The following C4orf51 variants were observed in gnomAD, a reference collection of about 807,000 sequenced individuals.
The protein encoded by C4orf51 is chromosome 4 open reading frame 51.
In C4orf51, 25 loss-of-function variants were observed where a neutral mutation model predicts 25.2. The observed-to-expected ratio is 0.99, with a 90% CI of 0.72 to 1.39. C4orf51 has a LOEUF of 1.39. Among genes scored for constraint, C4orf51 ranks in the 40% most tolerant of loss-of-function variants. The pLI is 0.00. For synonymous variants in C4orf51, 100 were observed against 84.5 expected (o/e 1.18, Z -1.01); for missense variants, 252 against 239.6 (o/e 1.05, Z -0.34).
chr4:145,708,723 G>A (rs1207569406), intron 2 of C4orf51, among the ~76,000 whole-genome samples: 2 of 152,204 alleles, frequency 1.3e-5, no homozygotes, highest in East Asian at 3.9e-4. Flanking sequence ...TAATCTGTTA[G>A]TCTGGGACCA....
At position 145,765,448 on chromosome 4, in the gene C4orf51, T is replaced by TA; in HGVS notation, n.167-5539dup. The TA allele has an allele frequency of 7.2e-7, 1 of 1,389,166 alleles. No homozygotes were observed. 86.1% of individuals were successfully genotyped at this position (1,389,166 alleles called of 1,614,324 possible). A position where few individuals can be genotyped will look rare whatever the true frequency, so the allele number is the denominator to read the frequency against. ...CCAGCATACTGCATCCTGGGCCTATTATCAGTTTTTGACATCGCTCCTGTG... is the reference window on the plus strand; with the variant it reads ...CCAGCATACTGCATCCTGGGCCTATTAATCAGTTTTTGACATCGCTCCTGTG... On this transcript the variant is annotated intron_variant and non_coding_transcript_variant, in intron 1 of 1. Transcript: ENST00000510096. This position sits in a 1 kb window ranked among gnomAD's most constrained non-coding sequence, Gnocchi z 4.7.
chr4:145,713,927 C>T (rs1041002258), intron 2 of C4orf51, among the ~76,000 whole-genome samples: 1 of 152,078 alleles, frequency 6.6e-6, no homozygotes, highest in Non-Finnish European at 1.5e-5. Context: ...GGATTATAGG[C>T]ACCTGCCACC....
In C4orf51 at chr4:145,765,004, G is replaced by A; in HGVS notation, n.167-5984G>A. 1.2e-6 allele frequency: 2 copies of A among 1,613,602 alleles called. No individual in the cohort carries two copies. The highest frequency in any genetic ancestry group is 1.7e-6 in the Non-Finnish European group (2 of 1,179,756). ...TTTCCTTACTTGAGCCCACCGGTGG[G>A]GACAGTGTGGCATTTCTTATGCTCC... On this transcript the variant is annotated intron_variant and non_coding_transcript_variant, in intron 1 of 1. Transcript: ENST00000510096. The surrounding 1 kb of genome is among the most constrained non-coding windows in gnomAD (Gnocchi z 4.7).
chr4:145,736,130 C>T (rs1394869838), downstream of C4orf51, among the ~76,000 whole-genome samples: 1 of 152,006 alleles, frequency 6.6e-6, no homozygotes, highest in East Asian at 1.9e-4. Flanking sequence ...TGACAAGGCA[C>T]AGGGGCTTGA....
At chr4:145,683,406 T>G (rs956328897) in intron 1 of C4orf51, among the ~76,000 whole-genome samples, 6 of 152,278 alleles carry the variant, frequency 3.9e-5, no homozygotes, top group South Asian at 4.1e-4. Flanking sequence ...AAACTAATTC[T>G]AAAGTTTATA....
chr4:145,773,444 CA>C (rs981945873), downstream of C4orf51, among the ~76,000 whole-genome samples: 10 of 152,212 alleles, frequency 6.6e-5, no homozygotes, highest in Admixed American at 3.3e-4. Context: ...GCACAACTGT[CA>C]GGGAAATTCC....
chr4:145,752,371 T>A (rs1281675822), intron 1 of C4orf51, among the ~76,000 whole-genome samples: 1 of 152,182 alleles, frequency 6.6e-6, no homozygotes, highest in Non-Finnish European at 1.5e-5. Context: ...AGGTGATGAA[T>A]GTTGCCAGGA....
At chr4:145,695,127 G>A (rs565166052) in intron 1 of C4orf51, among the ~76,000 whole-genome samples, 56 of 152,282 alleles carry the variant, frequency 3.7e-4, no homozygotes, top group African/African-American at 1.3e-3. Flanking sequence ...TGGGCAGAAC[G>A]GTAGTTCTAT....
the C4orf51 span, among the ~76,000 whole-genome samples, chr4:145,776,480 A>C: frequency 6.6e-6 from 1 of 152,056 alleles, no homozygotes; most frequent in African/African-American, 2.4e-5. Flanking sequence ...AAAAAAAAAA[A>C]AAAGTCCCAG....
intron 2 of C4orf51, among the ~76,000 whole-genome samples, chr4:145,717,354 C>T (rs578031803): frequency 3.3e-5 from 5 of 152,106 alleles, no homozygotes; most frequent in Non-Finnish European, 5.9e-5. Context: ...ATCAATTTAC[C>T]CATATTGCCT....
Position 145,687,858 on chromosome 4 carries a change from T to C in C4orf51, c.233+7422T>C, listed in dbSNP as rs536363303. 1.1e-4 allele frequency among the ~76,000 whole-genome samples: 16 copies of C among 152,236 alleles called. No homozygotes were observed. In the South Asian group the frequency reaches 3.3e-3, roughly 32 times the overall value. The stretch of plus-strand genomic sequence containing the variant: ...GGTGGGAGGGAGAGCAGAAACATTT[T>C]TAAGTAAAGAAAAAGCACACATGAT... On this transcript the variant is annotated intron_variant, in intron 1 of 5. Transcript: ENST00000438731.
At chr4:145,727,918 T>G (rs1351805358) in intron 3 of C4orf51, among the ~76,000 whole-genome samples, 2 of 102,236 alleles carry the variant, frequency 2.0e-5, no homozygotes, top group African/African-American at 9.8e-5. Context: ...TATATATATA[T>G]ATATAAAATA....
chr4:145,694,410 G>A (rs1729896444), intron 1 of C4orf51, among the ~76,000 whole-genome samples: 1 of 137,976 alleles, frequency 7.2e-6, no homozygotes, highest in Non-Finnish European at 1.6e-5. Context: ...CGCCCCGTCT[G>A]GGAGGTGAGG....
At chr4:145,771,993 T>C (rs1383959084), downstream of C4orf51, among the ~76,000 whole-genome samples, 6 of 152,194 alleles carry the variant, frequency 3.9e-5, no homozygotes, top group Admixed American at 1.3e-4. Context: ...ACTGAGGTCC[T>C]ACATTCACAA....
In C4orf51 at chr4:145,765,828, T is replaced by A; in HGVS notation, n.167-5160T>A. On this transcript the variant is annotated intron_variant and non_coding_transcript_variant, in intron 1 of 1. Transcript: ENST00000510096. This position sits in a 1 kb window ranked among gnomAD's most constrained non-coding sequence, Gnocchi z 4.7. ...AGGGTGACGAGTTGAGTCTCATGGA[T>A]GCATCATCATTCTGGGGGCACAGGC... is the stretch of plus-strand genomic sequence containing the variant. 1 of 1,330,392 alleles carries A rather than the reference T, an allele frequency of 7.5e-7. No individual in the cohort carries two copies. Among genetic ancestry groups the A allele is most frequent in the Non-Finnish European group, 1.0e-6 (1 of 970,088 alleles). 82.4% of individuals were successfully genotyped at this position (1,330,392 alleles called of 1,614,324 possible). A position where few individuals can be genotyped will look rare whatever the true frequency, so the allele number is the denominator to read the frequency against.
chr4:145,790,825 A>C, the C4orf51 span, among the ~76,000 whole-genome samples: 1 of 152,358 alleles, frequency 6.6e-6, no homozygotes, highest in African/African-American at 2.4e-5. Context: ...ATTCTGTATT[A>C]ACAGGAAATA....
At chr4:145,680,544 C>T (rs1560813959) in intron 1 of C4orf51, 108 bp downstream of exon 1, 13 of 777,236 alleles carry the variant, frequency 1.7e-5, no homozygotes, top group Non-Finnish European at 2.7e-5. Context: ...AGACTTTAAC[C>T]CTCTGTATTT....
chr4:145,765,794 T>C lies in C4orf51; in HGVS notation n.167-5194T>C. On this transcript the variant is annotated intron_variant and non_coding_transcript_variant, in intron 1 of 1. Transcript: ENST00000510096. This position sits in a 1 kb window ranked among gnomAD's most constrained non-coding sequence, Gnocchi z 4.7. ...AATGAGATGAAAATCCTCAGAATTA[T>C]AGCAACTGAGGGTGACGAGTTGAGT... The C allele has an allele frequency of 1.3e-6, 2 of 1,553,536 alleles. No homozygotes were observed. The highest frequency in any genetic ancestry group is 1.2e-5 in the South Asian group (1 of 83,514).
intron 1 of C4orf51, 24 bp from the exon 2 acceptor site, chr4:145,696,535 G>A (rs1292699923): frequency 1.3e-6 from 2 of 1,588,748 alleles, no homozygotes; most frequent in Non-Finnish European, 8.6e-7. Flanking sequence ...TTTGTAACTT[G>A]TTTCTTCTAC....
Sources: allele counts gnomAD v4.1 joint callset (sites outside exome capture counted in the v4.1 genomes callset), GRCh38; gene constraint gnomAD v4.1.1; non-coding constraint Gnocchi (gnomAD v3.1); transcripts MANE v1.5; gene names NCBI Gene and HGNC (gene_info 2026-07-23, HGNC 2026-07-21).